Variants in MALRD1 observed in about 807,000 individuals in gnomAD.
MALRD1 encodes MAM and LDL-receptor class A domain-containing protein 1.
In MALRD1, 247 loss-of-function variants were observed where a neutral mutation model predicts 242.1. The ratio of observed to expected loss-of-function variants is 1.02; its 90% CI spans 0.92 to 1.13. The LOEUF (loss-of-function observed/expected upper bound fraction) is 1.13. MALRD1 is among the 50% of genes most tolerant of loss of function. MALRD1 has a pLI of 0.00. For missense variants in MALRD1, 2,989 were observed against 2,533.1 expected, an observed-to-expected ratio of 1.18 and a Z score of -3.86; for synonymous variants, 995 against 866.6, an observed-to-expected ratio of 1.15 and a Z score of -2.60.
Position 19,402,266 on chromosome 10 carries a change from G to A in MALRD1, c.4845+12657G>A, listed in dbSNP as rs567628649. 1.2e-4 allele frequency among the ~76,000 whole-genome samples: 18 copies of A among 152,244 alleles called. No individual in the cohort carries two copies. The South Asian group carries it at 1.7e-3, about 14-fold the overall frequency. On this transcript the variant is annotated intron_variant, in intron 28 of 39. Coordinates refer to ENST00000454679, the MANE Select transcript of MALRD1 (RefSeq NM_001142308.3). ...AGAGATTGAGACCATCATGGGCAAC[G>A]TAGCAAGACCCCATGATATGGTTTG...
chr10:19,560,342 C>T (rs1027453109), intron 32 of MALRD1, among the ~76,000 whole-genome samples: 1 of 152,086 alleles, frequency 6.6e-6, no homozygotes, highest in African/African-American at 2.4e-5. Flanking sequence ...GTGTCAGGCA[C>T]CTGTAGTCCC....
At chr10:19,118,317 C>G (rs778632761) in intron 5 of MALRD1, among the ~76,000 whole-genome samples, 1 of 152,172 alleles carries the variant, frequency 6.6e-6, no homozygotes, top group African/African-American at 2.4e-5. Flanking sequence ...ATCCTGAGAA[C>G]AGGTGCCCAA....
chr10:19,323,054 T>G (rs1288032342), intron 21 of MALRD1, among the ~76,000 whole-genome samples: 1 of 152,156 alleles, frequency 6.6e-6, no homozygotes, highest in African/African-American at 2.4e-5. Flanking sequence ...AAATCGTATT[T>G]AATTGTTTCC....
chr10:19,184,049 AC>A (rs1210655470), intron 14 of MALRD1, among the ~76,000 whole-genome samples: 1 of 152,162 alleles, frequency 6.6e-6, no homozygotes, highest in Non-Finnish European at 1.5e-5. Context: ...ACTTCTCTGG[AC>A]CTTCAGAAAC....
intron 34 of MALRD1, among the ~76,000 whole-genome samples, chr10:19,603,725 C>A (rs995845798): frequency 6.6e-6 from 1 of 152,048 alleles, no homozygotes; most frequent in Non-Finnish European, 1.5e-5. Flanking sequence ...CACTTCGTGT[C>A]TGTATCCCAT....
intron 36 of MALRD1, among the ~76,000 whole-genome samples, chr10:19,639,976 G>A (rs1840310071): frequency 6.6e-6 from 1 of 152,210 alleles, no homozygotes; most frequent in South Asian, 2.1e-4. Context: ...AGGTTCCACT[G>A]AAATGGGTCA....
chr10:19,622,086 A>G (rs1405577295), intron 36 of MALRD1, among the ~76,000 whole-genome samples: 1 of 151,800 alleles, frequency 6.6e-6, no homozygotes, highest in Admixed American at 6.6e-5. Context: ...CATAAAAAGC[A>G]CTTCCATTAA....
At chr10:19,108,805 A>G (rs1836569425) in intron 5 of MALRD1, among the ~76,000 whole-genome samples, 1 of 152,052 alleles carries the variant, frequency 6.6e-6, no homozygotes, top group Non-Finnish European at 1.5e-5. Flanking sequence ...TTTTTGGGCA[A>G]TATATAAATT....
intron 21 of MALRD1, among the ~76,000 whole-genome samples, chr10:19,307,934 T>G (rs11009394): frequency 0.22 from 33,874 of 151,452 alleles, 4,048 homozygotes; most frequent in East Asian, 0.31. Context: ...TATTTATGAG[T>G]TACATATGAT....
intron 18 of MALRD1, among the ~76,000 whole-genome samples, chr10:19,256,892 T>A (rs1447479062): frequency 6.6e-6 from 1 of 152,108 alleles, no homozygotes; most frequent in Non-Finnish European, 1.5e-5. Context: ...TTTTTCTAAG[T>A]TTGAGTTTGC....
intron 33 of MALRD1, among the ~76,000 whole-genome samples, chr10:19,590,553 A>C (rs530582142): frequency 2.3e-4 from 35 of 151,796 alleles, no homozygotes; most frequent in African/African-American, 8.2e-4. Context: ...GGCTTATAAC[A>C]CTCTCCAAAC....
At chr10:19,505,558 G>A (rs976414936) in intron 31 of MALRD1, among the ~76,000 whole-genome samples, 5 of 152,178 alleles carry the variant, frequency 3.3e-5, no homozygotes, top group African/African-American at 1.2e-4. Flanking sequence ...GAACTGTGAA[G>A]AAATAAATTT....
intron 36 of MALRD1, among the ~76,000 whole-genome samples, chr10:19,663,598 T>G (rs1841540723): frequency 6.6e-6 from 1 of 151,942 alleles, no homozygotes; most frequent in Non-Finnish European, 1.5e-5. Flanking sequence ...TTTGAGAAAT[T>G]GGAGCATGAT....
At chr10:19,569,258 C>T (rs1040212593) in intron 33 of MALRD1, among the ~76,000 whole-genome samples, 2 of 151,976 alleles carry the variant, frequency 1.3e-5, no homozygotes, top group African/African-American at 4.8e-5. Context: ...CTTTTAGGGT[C>T]CCAGATGCAT....
At chr10:19,539,123 A>G (rs1834814433) in intron 32 of MALRD1, among the ~76,000 whole-genome samples, 1 of 152,226 alleles carries the variant, frequency 6.6e-6, no homozygotes, top group African/African-American at 2.4e-5. Flanking sequence ...CAGACTTAAT[A>G]AGATCAGATG....
At chr10:19,263,196 T>A (rs910357132) in intron 19 of MALRD1, among the ~76,000 whole-genome samples, 1 of 152,204 alleles carries the variant, frequency 6.6e-6, no homozygotes, top group Non-Finnish European at 1.5e-5. Flanking sequence ...AGTTACATTT[T>A]AAATTTTTTG....
At chr10:19,388,881 G>GA (rs11405183) in intron 27 of MALRD1, among the ~76,000 whole-genome samples, 80,322 of 116,994 alleles carry the variant, frequency 0.69, 26,225 homozygotes, top group Non-Finnish European at 0.73. Context: ...TAGGTCTACT[G>GA]AAAAAAAAAA....
intron 5 of MALRD1, among the ~76,000 whole-genome samples, chr10:19,104,745 G>A (rs1379194695): frequency 6.6e-6 from 1 of 152,058 alleles, no homozygotes; most frequent in African/African-American, 2.4e-5. Context: ...AAGGTATTTT[G>A]TAGATAAAGC....
At chr10:19,491,487 T>TA (rs1255460029) in intron 29 of MALRD1, 30 bp from the exon 30 acceptor site, 7 of 1,545,206 alleles carry the variant, frequency 4.5e-6, no homozygotes, top group Non-Finnish European at 2.6e-6. Flanking sequence ...ATTGATGGAA[T>TA]ACTGCTTTTG....
Sources: allele counts gnomAD v4.1 joint callset (sites outside exome capture counted in the v4.1 genomes callset), GRCh38; gene constraint gnomAD v4.1.1; transcripts MANE v1.5; gene names NCBI Gene and HGNC (gene_info 2026-07-23, HGNC 2026-07-21).